The following CFAP45 variants were observed in gnomAD, a reference collection of about 807,000 sequenced individuals.
CFAP45 encodes cilia and flagella associated protein 45.
In CFAP45, 43 loss-of-function variants were observed where a neutral mutation model predicts 75.6. That is an observed-to-expected ratio of 0.57 (90% CI 0.45 to 0.73). The LOEUF is 0.73. Among genes scored for constraint, CFAP45 ranks in the 30% least tolerant of loss-of-function variants. The probability of loss-of-function intolerance (pLI) is 0.00; values close to 1 mark genes in which losing one functional copy is unlikely to be tolerated. For missense variants in CFAP45, 689 were observed against 701.5 expected (o/e 0.98, Z 0.20); for synonymous variants, 223 against 244.6 (o/e 0.91, Z 0.82).
intron 6 of CFAP45, among the ~76,000 whole-genome samples, chr1:159,885,334 A>G (rs145319571): frequency 4.4e-4 from 67 of 152,338 alleles, no homozygotes; most frequent in African/African-American, 1.5e-3. Flanking sequence ...GTAACCTTTC[A>G]CTGGGAACCT....
chr1:159,897,117 A>G lies in CFAP45; in HGVS notation c.3+2979T>C, dbSNP rs1483696442. Among the ~76,000 whole-genome samples, 2 of 151,956 alleles carry G rather than the reference A, an allele frequency of 1.3e-5. 1 individual carries two copies. Among genetic ancestry groups the G allele is most frequent in the Non-Finnish European group, 2.9e-5 (2 of 67,994 alleles). On this transcript the variant is annotated intron_variant, in intron 1 of 11. Transcript: ENST00000368099. ...CATCTCTACAAAAAATATGAAAATT[A>G]GCCAGGCACGGTGGCGTACACCTAT...
At chr1:159,896,609 T>C (rs921485048) in intron 1 of CFAP45, among the ~76,000 whole-genome samples, 8 of 152,148 alleles carry the variant, frequency 5.3e-5, no homozygotes, top group African/African-American at 1.9e-4. Context: ...CATGACCAAA[T>C]AAATATTGCC....
rs1392516782 is a variant in CFAP45, at chr1:159,872,393, A to C, written c.*92T>G. 8 of 981,496 alleles carry C rather than the reference A, an allele frequency of 8.2e-6. No individual in the cohort carries two copies. In the East Asian group the frequency reaches 1.7e-4, roughly 21 times the overall value. 60.8% of individuals were successfully genotyped at this position (981,496 alleles called of 1,614,324 possible). A position where few individuals can be genotyped will look rare whatever the true frequency, so the allele number is the denominator to read the frequency against. ...AGTCAAGTAGATTTAATCTGTAACTATGAAATGTCTAGGTTAGCAGCAATT... is the reference window on the plus strand; with the variant it reads ...AGTCAAGTAGATTTAATCTGTAACTCTGAAATGTCTAGGTTAGCAGCAATT... On this transcript the variant is annotated 3_prime_UTR_variant, in exon 12 of 12. Transcript: ENST00000368099.
intron 4 of CFAP45, 75 bp from the exon 5 acceptor site, chr1:159,888,086 C>T (rs983392857): frequency 2.0e-6 from 3 of 1,498,322 alleles, no homozygotes; most frequent in Non-Finnish European, 2.7e-6. Flanking sequence ...CTGGCTACCA[C>T]AGGTGACCCA....
chr1:159,876,534 A>T (rs770423692), intron 10 of CFAP45, 22 bp downstream of exon 10: 3 of 1,561,166 alleles, frequency 1.9e-6, no homozygotes, highest in Non-Finnish European at 2.6e-6. Flanking sequence ...AAAGGAATCC[A>T]AGGTTCCCAG....
In CFAP45 at chr1:159,900,118, G is replaced by A; in HGVS notation, c.-20C>T. 1 of 1,614,088 alleles carries A rather than the reference G, an allele frequency of 6.2e-7. No individual in the cohort carries two copies. Among genetic ancestry groups the A allele is most frequent in the Non-Finnish European group, 8.5e-7 (1 of 1,179,994 alleles). ...CACCATCTCCTCAGCCACACGCCCTGACTCCGGACTTCTGCTGCCGCCTCG... is the reference window on the plus strand; with the variant it reads ...CACCATCTCCTCAGCCACACGCCCTAACTCCGGACTTCTGCTGCCGCCTCG... On this transcript the variant is annotated 5_prime_UTR_variant, in exon 1 of 12. Transcript: ENST00000368099.
At chr1:159,891,134 G>C (rs1649820679) in intron 2 of CFAP45, among the ~76,000 whole-genome samples, 1 of 152,210 alleles carries the variant, frequency 6.6e-6, no homozygotes, top group Non-Finnish European at 1.5e-5. Context: ...ATAACAAGGA[G>C]TGGGGGTCAC....
intron 8 of CFAP45, among the ~76,000 whole-genome samples, chr1:159,879,686 G>A (rs1177039711): frequency 6.6e-6 from 1 of 152,022 alleles, no homozygotes; most frequent in Non-Finnish European, 1.5e-5. Flanking sequence ...CATTTTCTGT[G>A]GTTTGTATTC....
chr1:159,885,636 A>G (rs533708045), intron 6 of CFAP45, among the ~76,000 whole-genome samples: 53 of 152,324 alleles, frequency 3.5e-4, no homozygotes, highest in African/African-American at 1.3e-3. Flanking sequence ...AGCACCTATT[A>G]CAGGCCAAAC....
rs138363369 is a variant in CFAP45, at chr1:159,899,372, T to C, written c.3+724A>G. 5.7e-3 allele frequency among the ~76,000 whole-genome samples: 861 copies of C among 151,492 alleles called. 10 individuals are homozygous for C. Among genetic ancestry groups the C allele is most frequent in the Non-Finnish European group, 9.8e-3 (665 of 67,932 alleles). ...TGCTAACAGAAGAAAAACCTGAGGC[T>C]CGGGCACATTAGATGACTTACCCAC... On this transcript the variant is annotated intron_variant, in intron 1 of 11. Coordinates refer to ENST00000368099, the MANE Select transcript of CFAP45 (RefSeq NM_012337.3).
chr1:159,896,045 T>C (rs1014798030), intron 1 of CFAP45, among the ~76,000 whole-genome samples: 3 of 152,240 alleles, frequency 2.0e-5, no homozygotes, highest in African/African-American at 7.2e-5. Context: ...TTCCATGTTT[T>C]CCAGATCACG....
rs146416790 is a variant in CFAP45 at position 159,873,139 on chromosome 1, C to G, written c.1382G>C (p.Arg461Pro). The change falls in exon 11 of 12, where the codon CGG (arginine) becomes CCG (proline). Residue 461 changes from arginine (R) to proline (P), a missense_variant. Transcript: ENST00000368099. ...RAQREQIEKE[R>P]LEEEKKATGR... ...TGTGGCCTTTTTCTCCTCCTCCAGC[C>G]GCTCCTTCTCAATCTGTTCTCTCTG... The G allele has an allele frequency of 1.2e-6, 2 of 1,613,928 alleles. No homozygotes were observed. Among genetic ancestry groups the G allele is most frequent in the Non-Finnish European group, 1.7e-6 (2 of 1,180,040 alleles).
intron 1 of CFAP45, chr1:159,898,219 A>C: frequency 1.0e-6 from 1 of 985,422 alleles, no homozygotes; most frequent in Non-Finnish European, 1.2e-6. Flanking sequence ...TTTTACTCTG[A>C]GTGATCCACG....
In CFAP45 at chr1:159,890,556, T is replaced by C. The variant is rs759911549; in HGVS notation, c.196A>G (p.Thr66Ala). The C allele has an allele frequency of 2.5e-6, 4 of 1,613,310 alleles. No homozygotes were observed. In the Admixed American group the frequency reaches 6.7e-5, roughly 27 times the overall value. Residue 66 changes from threonine to alanine, a missense_variant, in exon 3 of 12, where the codon ACT (threonine) becomes GCT (alanine). Coordinates refer to ENST00000368099, the MANE Select transcript of CFAP45 (RefSeq NM_012337.3). ...CGATCCAAGCCCAAAGCAGTGAGAG[T>C]TTTTTGAAGGGTATGCTTATCTCGG... ...LLRDKHTLQK[T>A]LTALGLDRKP...
chr1:159,886,302 T>C (rs1649675953), intron 6 of CFAP45, among the ~76,000 whole-genome samples: 1 of 151,518 alleles, frequency 6.6e-6, no homozygotes, highest in South Asian at 2.1e-4. Flanking sequence ...ATTATGCCAC[T>C]GCACTCCAGA....
At position 159,880,625 on chromosome 1, in the gene CFAP45, G is replaced by C. The variant is rs763843109; in HGVS notation, c.973C>G (p.Gln325Glu). The change falls in exon 8 of 12, where the codon CAG (glutamine) becomes GAG (glutamate). Residue 325 changes from glutamine to glutamate, a missense_variant. Transcript: ENST00000368099. Reference sequence around the variant, plus strand: ...TCCTGAGCCAGCAGTTCTGCTTTCTGTTTCTGGTTTTCATCATTGATGCGC... The same window carrying C: ...TCCTGAGCCAGCAGTTCTGCTTTCTCTTTCTGGTTTTCATCATTGATGCGC... ...IKRINDENQK[Q>E]KAELLAQEKL... 6.2e-7 allele frequency: 1 copy of C among 1,613,862 alleles called. No individual in the cohort carries two copies. Among genetic ancestry groups the C allele is most frequent in the Admixed American group, 1.7e-5 (1 of 59,996 alleles).
At chr1:159,883,336 A>G (rs1230062086) in intron 7 of CFAP45, among the ~76,000 whole-genome samples, 1 of 152,122 alleles carries the variant, frequency 6.6e-6, no homozygotes, top group Admixed American at 6.5e-5. Context: ...CTAGATCAAA[A>G]CAAACTAAAG....
intron 1 of CFAP45, among the ~76,000 whole-genome samples, chr1:159,897,347 G>A (rs994047353): frequency 3.9e-5 from 6 of 152,254 alleles, no homozygotes; most frequent in Middle Eastern, 3.4e-3. Context: ...ACTTTGGGAG[G>A]CCAAAGTGGG....
At chr1:159,880,805 G>T in intron 7 of CFAP45, 105 bp from the exon 8 acceptor site, 2 of 1,042,328 alleles carry the variant, frequency 1.9e-6, no homozygotes, top group African/African-American at 1.6e-5. Context: ...CAAATGCATT[G>T]CCTGCAGTCT....
Sources: allele counts gnomAD v4.1 joint callset (sites outside exome capture counted in the v4.1 genomes callset), GRCh38; gene constraint gnomAD v4.1.1; transcripts MANE v1.5; gene names NCBI Gene and HGNC (gene_info 2026-07-23, HGNC 2026-07-21).